Variants in SUGCT observed in about 807,000 individuals in gnomAD.
SUGCT encodes the protein succinyl-CoA:glutarate-CoA transferase, also known as succinyl-CoA:glutarate CoA-transferase.
SUGCT carries 41 observed loss-of-function variants against 55.0 expected under a neutral mutation model. The observed-to-expected ratio is 0.74, with a 90% CI of 0.58 to 0.97. SUGCT has a LOEUF of 0.97. SUGCT is among the 50% of genes least tolerant of loss of function. SUGCT has a pLI of 0.00. For synonymous variants in SUGCT, 187 were observed against 200.4 expected (o/e 0.93, Z 0.56); for missense variants, 568 against 547.8 (o/e 1.04, Z -0.37).
At chr7:40,509,515 T>C (rs1351294311) in intron 12 of SUGCT, among the ~76,000 whole-genome samples, 1 of 152,168 alleles carries the variant, frequency 6.6e-6, no homozygotes, top group Non-Finnish European at 1.5e-5. Flanking sequence ...CTGTTACCAT[T>C]GTCAGCAGAG....
At chr7:40,471,975 A>G (rs546886778) in intron 11 of SUGCT, among the ~76,000 whole-genome samples, 2 of 152,254 alleles carry the variant, frequency 1.3e-5, no homozygotes, top group African/African-American at 4.8e-5. Flanking sequence ...TAGAAATTAA[A>G]TATAACCAAA....
the SUGCT span, among the ~76,000 whole-genome samples, chr7:40,900,661 G>A: frequency 6.6e-6 from 1 of 152,212 alleles, no homozygotes; most frequent in African/African-American, 2.4e-5. Context: ...GTCCTTGCCA[G>A]TGAAGAGCAC....
chr7:40,179,938 A>G (rs1412549887), intron 1 of SUGCT, among the ~76,000 whole-genome samples: 1 of 152,142 alleles, frequency 6.6e-6, no homozygotes, highest in Non-Finnish European at 1.5e-5. Flanking sequence ...TGGAGGTGTG[A>G]TTTTTGGGGA....
chr7:40,782,278 A>T (rs1181078876), intron 13 of SUGCT, among the ~76,000 whole-genome samples: 1 of 152,104 alleles, frequency 6.6e-6, no homozygotes, highest in African/African-American at 2.4e-5. Flanking sequence ...TTATTATTAC[A>T]TATCTATAAT....
chr7:40,992,820 G>A, the SUGCT span, among the ~76,000 whole-genome samples: 1 of 152,248 alleles, frequency 6.6e-6, no homozygotes, highest in Admixed American at 6.5e-5. Context: ...GTGGGTACAA[G>A]AAAACATATC....
intron 13 of SUGCT, among the ~76,000 whole-genome samples, chr7:40,778,117 G>A (rs1789554675): frequency 1.3e-5 from 2 of 152,188 alleles, no homozygotes. Flanking sequence ...TGATCATAGT[G>A]TCACATGGAC....
chr7:40,369,922 T>C (rs1784204488), intron 9 of SUGCT, among the ~76,000 whole-genome samples: 2 of 152,286 alleles, frequency 1.3e-5, no homozygotes, highest in South Asian at 4.1e-4. Flanking sequence ...AGGTTTATGG[T>C]CAGGCCCTAG....
At chr7:40,409,965 C>T (rs1786582707) in intron 9 of SUGCT, among the ~76,000 whole-genome samples, 1 of 152,060 alleles carries the variant, frequency 6.6e-6, no homozygotes, top group Non-Finnish European at 1.5e-5. Context: ...TAGATTTCTT[C>T]GTATACATTG....
At chr7:40,967,423 G>A in the SUGCT span, 1 of 152,174 alleles carries the variant, frequency 6.6e-6, no homozygotes, top group Non-Finnish European at 1.5e-5. Flanking sequence ...AGAATAGAGT[G>A]CGTTTCATAG....
chr7:41,017,736 G>A, the SUGCT span, among the ~76,000 whole-genome samples: 1 of 146,838 alleles, frequency 6.8e-6, no homozygotes, highest in Non-Finnish European at 1.5e-5. Context: ...GCACCACTGT[G>A]CTCCAGCCTG....
At chr7:40,805,791 A>G (rs1049319765) in intron 13 of SUGCT, among the ~76,000 whole-genome samples, 1 of 152,336 alleles carries the variant, frequency 6.6e-6, no homozygotes, top group Non-Finnish European at 1.5e-5. Flanking sequence ...AAGGTTTCCT[A>G]CAAATTTCAC....
chr7:40,197,971 C>T lies in SUGCT; in HGVS notation c.484+2911C>T, dbSNP rs1278312275. 3.3e-5 allele frequency among the ~76,000 whole-genome samples: 5 copies of T among 152,228 alleles called. 1 individual carries two copies. The East Asian group carries it at 9.7e-4, about 29-fold the overall frequency. ...AGTCTCTAAGTTTTCTTACAGTTCT[C>T]AAATTCTGTATTAAAATTTTAGTGT... On this transcript the variant is annotated intron_variant, in intron 6 of 13. Coordinates refer to ENST00000335693, the MANE Select transcript of SUGCT (RefSeq NM_001193313.2).
At chr7:41,016,869 C>T in the SUGCT span, among the ~76,000 whole-genome samples, 1 of 152,162 alleles carries the variant, frequency 6.6e-6, no homozygotes, top group African/African-American at 2.4e-5. Flanking sequence ...CTTAATTTTG[C>T]TTTGGCCATA....
chr7:40,206,711 G>A (rs1260849794), intron 6 of SUGCT, among the ~76,000 whole-genome samples: 2 of 152,060 alleles, frequency 1.3e-5, no homozygotes, highest in Non-Finnish European at 2.9e-5. Context: ...TAAATTACTT[G>A]TAATACCTAA....
the SUGCT span, among the ~76,000 whole-genome samples, chr7:40,897,426 GACACACACACACACACAC>G: frequency 3.4e-5 from 5 of 148,784 alleles, no homozygotes; most frequent in African/African-American, 1.2e-4. Context: ...AATAAAGCTG[GACACACACACACACACAC>G]ACACACACAC....
At position 40,189,525 on chromosome 7, in the gene SUGCT, T is replaced by C. The variant is rs1191731180; in HGVS notation, c.313-19T>C. 11 of 936,304 alleles carry C rather than the reference T, an allele frequency of 1.2e-5. 1 individual carries two copies. In the East Asian group the frequency reaches 3.2e-4, roughly 27 times the overall value. The allele number at this position is 936,304 out of a possible 1,614,324, so 58.0% of individuals were successfully genotyped here. ...TGGTCATCGAAATAATATATATATA[T>C]ATATTTTTTAATTTTTAGAGTATTG... On this transcript the variant is annotated intron_variant, in intron 4 of 13. Transcript: ENST00000335693.
the SUGCT span, among the ~76,000 whole-genome samples, chr7:41,021,755 C>T: frequency 2.0e-5 from 3 of 151,904 alleles, no homozygotes; most frequent in South Asian, 6.3e-4. Flanking sequence ...ATCTAATTAA[C>T]CAAAAGGTAG....
chr7:40,398,103 C>A (rs1248101869), intron 9 of SUGCT, among the ~76,000 whole-genome samples: 1 of 151,856 alleles, frequency 6.6e-6, no homozygotes, highest in East Asian at 1.9e-4. Context: ...CTTTTCTTTT[C>A]TTTTTTTGAG....
chr7:40,335,544 CTGTT>C (rs1346011519), intron 9 of SUGCT, among the ~76,000 whole-genome samples: 1 of 151,978 alleles, frequency 6.6e-6, no homozygotes, highest in Non-Finnish European at 1.5e-5. Context: ...ATTTGGCTCT[CTGTT>C]TGTCTGTTAT....
Sources: gnomAD v4.1 joint callset for allele counts (sites outside exome capture counted in the v4.1 genomes callset) on GRCh38, gnomAD v4.1.1 for gene constraint, MANE v1.5 for transcripts, NCBI Gene and HGNC (gene_info 2026-07-23, HGNC 2026-07-21) for gene names.